The following TLK2 variants were observed in gnomAD, a reference collection of about 807,000 sequenced individuals.
TLK2 encodes serine/threonine-protein kinase tousled-like 2.
TLK2 carries 6 observed loss-of-function variants against 117.3 expected under a neutral mutation model. The ratio of observed to expected loss-of-function variants is 0.05; its 90% CI spans 0.03 to 0.10. The LOEUF is 0.10. Among genes scored for constraint, TLK2 ranks in the 10% least tolerant of loss-of-function variants. TLK2 has a pLI of 1.00. For synonymous variants in TLK2, 257 were observed against 316.7 expected, an observed-to-expected ratio of 0.81 and a Z score of 2.00; for missense variants, 299 against 901.2, an observed-to-expected ratio of 0.33 and a Z score of 8.56.
chr17:62,608,985 A>G (rs1309076656), intron 21 of TLK2, among the ~76,000 whole-genome samples: 1 of 152,150 alleles, frequency 6.6e-6, no homozygotes, highest in Non-Finnish European at 1.5e-5. Context: ...ATTTATCTCT[A>G]TTTATTAACC....
chr17:62,503,486 C>T (rs1241270896), intron 2 of TLK2, among the ~76,000 whole-genome samples: 1 of 147,234 alleles, frequency 6.8e-6, no homozygotes, highest in African/African-American at 2.5e-5. Context: ...TGCACGATCT[C>T]AGCCCACTGC....
At chr17:62,612,306 C>T in intron 21 of TLK2, 86 bp from the exon 22 acceptor site, 2 of 1,433,792 alleles carry the variant, frequency 1.4e-6, no homozygotes, top group Non-Finnish European at 1.9e-6. Flanking sequence ...TTGCTCTGGG[C>T]CCTGGCAGCC....
chr17:62,529,313 T>G (rs2076585065), intron 6 of TLK2, among the ~76,000 whole-genome samples: 2 of 152,308 alleles, frequency 1.3e-5, no homozygotes, highest in South Asian at 4.1e-4. Context: ...CTTGGCTCAC[T>G]ACAACCTCCG....
At position 62,565,081 on chromosome 17, in the gene TLK2, C is replaced by T. The variant is rs201038576; in HGVS notation, c.912C>T (p.His304=). The T allele has an allele frequency of 4.8e-5, 77 of 1,614,076 alleles. No individual in the cohort carries two copies. The highest frequency in any genetic ancestry group is 1.6e-4 in the East Asian group (7 of 44,864). ...TGGGCCACTTTACTACTGTCCGACA[C>T]GGAGCCTCATTTACTGAACAGTGGA... is the stretch of plus-strand genomic sequence containing the variant. ...LRLGHFTTVR[H]GASFTEQWTD... is the part of the protein sequence containing the mutation. Residue 304 remains histidine (H), a synonymous_variant, in exon 11 of 22, where the codon CAC becomes CAT. Coordinates refer to ENST00000346027, the MANE Select transcript of TLK2 (RefSeq NM_006852.6).
At chr17:62,583,315 G>A (rs2081351890) in intron 15 of TLK2, among the ~76,000 whole-genome samples, 1 of 151,860 alleles carries the variant, frequency 6.6e-6, no homozygotes, top group Non-Finnish European at 1.5e-5. Context: ...GGCTAGTCTC[G>A]AACTCCTGAC....
intron 7 of TLK2, among the ~76,000 whole-genome samples, chr17:62,547,141 A>G (rs554841921): frequency 3.3e-4 from 50 of 152,300 alleles, no homozygotes; most frequent in Non-Finnish European, 5.9e-4. Context: ...TTGTCATTTC[A>G]TACTATAAAC....
rs1160023679 is a variant in TLK2 at position 62,536,556 on chromosome 17, A to G, written c.531+219A>G. On this transcript the variant is annotated intron_variant, in intron 7 of 21. Transcript: ENST00000346027. ...CTCCCTTGGTTCAAGCTCCTGAGGG[A>G]GACTGCTTTGTCAAAGCCTGAACCC... Among the ~76,000 whole-genome samples the G allele has an allele frequency of 1.1e-4, 17 of 152,178 alleles. No individual in the cohort carries two copies. The South Asian group carries it at 3.5e-3, about 32-fold the overall frequency.
intron 19 of TLK2, 120 bp from the exon 20 acceptor site, chr17:62,606,006 CAAAA>C (rs71155942): frequency 0.01 from 1,359 of 132,382 alleles, no homozygotes; most frequent in South Asian, 0.026. Context: ...ACCCTGTCTC[CAAAA>C]AAAAAAAAAA....
At chr17:62,609,172 C>T (rs1413032152) in intron 21 of TLK2, among the ~76,000 whole-genome samples, 1 of 152,148 alleles carries the variant, frequency 6.6e-6, no homozygotes, top group Non-Finnish European at 1.5e-5. Flanking sequence ...GCCTCGACCT[C>T]CCCAGGCTCA....
At chr17:62,542,908 A>G (rs183293756) in intron 7 of TLK2, among the ~76,000 whole-genome samples, 1 of 152,328 alleles carries the variant, frequency 6.6e-6, no homozygotes, top group East Asian at 1.9e-4. Flanking sequence ...TAAATAGTTA[A>G]ATAGGCATTT....
intron 2 of TLK2, among the ~76,000 whole-genome samples, chr17:62,518,198 G>C (rs568325647): frequency 6.6e-6 from 1 of 152,288 alleles, no homozygotes; most frequent in African/African-American, 2.4e-5. Context: ...GCAACCTCGG[G>C]CATAAATGGG....
chr17:62,495,689 T>A (rs1598199764), intron 2 of TLK2, among the ~76,000 whole-genome samples: 1 of 140,482 alleles, frequency 7.1e-6, no homozygotes, highest in African/African-American at 2.6e-5. Context: ...GACGGAGTCT[T>A]ACTCTGTCAC....
rs149974807 is a variant in TLK2 at position 62,492,079 on chromosome 17, A to G, written c.81+10873A>G. Among the ~76,000 whole-genome samples, 793 of 152,350 alleles carry G rather than the reference A, an allele frequency of 5.2e-3. 5 individuals carry two copies. Among genetic ancestry groups the G allele is most frequent in the African/African-American group, 0.018 (755 of 41,580 alleles). The stretch of plus-strand genomic sequence containing the variant: ...GTTTGATGAACTACACAAAAAGAGG[A>G]AGCCAGATTTGAGATACAGGATAAT... On this transcript the variant is annotated intron_variant, in intron 2 of 21. Transcript: ENST00000346027.
intron 9 of TLK2, among the ~76,000 whole-genome samples, chr17:62,554,013 T>A (rs1179432025): frequency 6.6e-6 from 1 of 152,222 alleles, no homozygotes; most frequent in Non-Finnish European, 1.5e-5. Flanking sequence ...TGGAGTGTTA[T>A]ATTTCATCTA....
intron 7 of TLK2, chr17:62,551,729 A>G (rs2146194893): frequency 6.5e-6 from 1 of 152,686 alleles, no homozygotes; most frequent in East Asian, 1.9e-4. Flanking sequence ...AAAAAGTATT[A>G]TTGAGAATAT....
chr17:62,514,049 A>G (rs926618273), intron 2 of TLK2, among the ~76,000 whole-genome samples: 1 of 152,152 alleles, frequency 6.6e-6, no homozygotes, highest in Non-Finnish European at 1.5e-5. Context: ...CTTGCCTGTA[A>G]AGTGCTACAT....
chr17:62,591,768 G>T (rs1287823101), intron 16 of TLK2, among the ~76,000 whole-genome samples: 1 of 151,964 alleles, frequency 6.6e-6, no homozygotes, highest in African/African-American at 2.4e-5. Flanking sequence ...TTTAGTTAGT[G>T]CTTTTCTTTG....
At chr17:62,476,947 G>A (rs999511714), upstream of TLK2, among the ~76,000 whole-genome samples, 101 of 151,954 alleles carry the variant, frequency 6.6e-4, no homozygotes, top group Non-Finnish European at 7.8e-4. Context: ...AAAATTAGCC[G>A]GGCCTGGTAG....
At chr17:62,555,666 A>T (rs960433671) in intron 9 of TLK2, among the ~76,000 whole-genome samples, 2 of 151,610 alleles carry the variant, frequency 1.3e-5, no homozygotes, top group Non-Finnish European at 2.9e-5. Context: ...TATAGTAGAG[A>T]CGGGGTTTCA....
Sources: allele counts gnomAD v4.1 joint callset (sites outside exome capture counted in the v4.1 genomes callset), GRCh38; gene constraint gnomAD v4.1.1; transcripts MANE v1.5; gene names NCBI Gene and HGNC (gene_info 2026-07-23, HGNC 2026-07-21).